IQCM: variants seen among roughly 807,000 people sequenced by gnomAD.
The protein encoded by IQCM is IQ domain-containing protein M.
IQCM carries 45 observed loss-of-function variants against 57.6 expected under a neutral mutation model. The ratio of observed to expected loss-of-function variants is 0.78; its 90% CI spans 0.62 to 1.00. The LOEUF (loss-of-function observed/expected upper bound fraction) is 1.00. Ranked by LOEUF, IQCM falls within the 50% of genes least tolerant of loss-of-function variation. The pLI is 0.00. For missense variants in IQCM, 468 were observed against 511.6 expected, an observed-to-expected ratio of 0.91 and a Z score of 0.82; for synonymous variants, 148 against 158.9, an observed-to-expected ratio of 0.93 and a Z score of 0.51.
chr4:149,621,856 C>T (rs1164127811), intron 7 of IQCM, among the ~76,000 whole-genome samples: 1 of 151,792 alleles, frequency 6.6e-6, no homozygotes, highest in Admixed American at 6.6e-5. Context: ...CCATTTTTTT[C>T]CTCAGAGATA....
chr4:149,738,862 A>G (rs1257280413), intron 3 of IQCM, among the ~76,000 whole-genome samples: 1 of 152,222 alleles, frequency 6.6e-6, no homozygotes, highest in Non-Finnish European at 1.5e-5. Context: ...ATAGCACAAG[A>G]TAACTCATAC....
chr4:149,513,472 A>C (rs1490580606), intron 12 of IQCM, among the ~76,000 whole-genome samples: 2 of 152,210 alleles, frequency 1.3e-5, no homozygotes, highest in Non-Finnish European at 2.9e-5. Flanking sequence ...GTAATAAATA[A>C]TGCAAGCTTT....
intron 7 of IQCM, among the ~76,000 whole-genome samples, chr4:149,626,351 C>T (rs1178723784): frequency 7.2e-6 from 1 of 138,558 alleles, no homozygotes; most frequent in Non-Finnish European, 1.6e-5. Flanking sequence ...ATTGTGGGAC[C>T]TTTGTGGGAT....
chr4:149,474,107 T>A (rs11729341), intron 12 of IQCM, among the ~76,000 whole-genome samples: 1 of 151,168 alleles, frequency 6.6e-6, no homozygotes, highest in Admixed American at 6.6e-5. Context: ...ACATGTACCC[T>A]AGAACTTAAA....
In IQCM at chr4:149,765,529, T is replaced by C. The variant is rs145715409; in HGVS notation, c.-48-22790A>G. On this transcript the variant is annotated intron_variant, in intron 2 of 13. Transcript: ENST00000636793. ...TTATAGTTTCACTTTAAAGCAAGGA[T>C]GATAATAGTCCCTTCCCAAAACTAA... Among the ~76,000 whole-genome samples the C allele has an allele frequency of 3.0e-3, 462 of 152,136 alleles. 6 individuals carry two copies. The highest frequency in any genetic ancestry group is 0.011 in the African/African-American group (443 of 41,516).
At chr4:149,533,452 A>T (rs979429383) in intron 12 of IQCM, among the ~76,000 whole-genome samples, 1 of 152,136 alleles carries the variant, frequency 6.6e-6, no homozygotes, top group Non-Finnish European at 1.5e-5. Flanking sequence ...AAAGGCCTTT[A>T]AAAAATACAA....
intron 7 of IQCM, among the ~76,000 whole-genome samples, chr4:149,622,593 G>A (rs1319093634): frequency 6.6e-6 from 1 of 152,020 alleles, no homozygotes; most frequent in Admixed American, 6.6e-5. Flanking sequence ...CGGAAGCAAA[G>A]GCCAATAACG....
chr4:149,766,503 T>TC (rs1490819616), intron 2 of IQCM, among the ~76,000 whole-genome samples: 1 of 152,042 alleles, frequency 6.6e-6, no homozygotes, highest in Non-Finnish European at 1.5e-5. Flanking sequence ...CAGATACCCC[T>TC]CCCTTGCATT....
At chr4:149,745,891 G>A (rs1767879823) in intron 2 of IQCM, among the ~76,000 whole-genome samples, 1 of 152,096 alleles carries the variant, frequency 6.6e-6, no homozygotes, top group South Asian at 2.1e-4. Context: ...AGGATCAGTT[G>A]AGCCTGGGAG....
chr4:149,677,266 C>A (rs1277347132), intron 7 of IQCM, among the ~76,000 whole-genome samples: 2 of 152,094 alleles, frequency 1.3e-5, no homozygotes, highest in Admixed American at 1.3e-4. Flanking sequence ...ACTACTATCT[C>A]CAGCTCTGGA....
intron 7 of IQCM, among the ~76,000 whole-genome samples, chr4:149,664,136 C>A (rs1760477514): frequency 6.6e-6 from 1 of 152,058 alleles, no homozygotes; most frequent in African/African-American, 2.4e-5. Flanking sequence ...TCTAAGATTT[C>A]TGTGTGGTTC....
chr4:149,587,387 G>A (rs888771854), intron 9 of IQCM, among the ~76,000 whole-genome samples: 10 of 151,538 alleles, frequency 6.6e-5, no homozygotes, highest in Non-Finnish European at 1.0e-4. Context: ...TGCCCTTTTC[G>A]AAACTTCATT....
chr4:149,517,004 G>A (rs992065129), intron 12 of IQCM, among the ~76,000 whole-genome samples: 1 of 148,860 alleles, frequency 6.7e-6, no homozygotes, highest in Admixed American at 6.9e-5. Context: ...GCACCTCTTA[G>A]TATTACCATG....
chr4:149,757,661 C>A (rs1207110260), intron 2 of IQCM, among the ~76,000 whole-genome samples: 1 of 151,836 alleles, frequency 6.6e-6, no homozygotes, highest in African/African-American at 2.4e-5. Flanking sequence ...ACGTACCTAA[C>A]AAAATAGTTC....
chr4:149,416,115 C>T (rs529333325), intron 13 of IQCM, among the ~76,000 whole-genome samples: 1 of 151,420 alleles, frequency 6.6e-6, no homozygotes, highest in Admixed American at 6.6e-5. Context: ...TGCTTATGAC[C>T]CATAAAAAAA....
intron 12 of IQCM, among the ~76,000 whole-genome samples, chr4:149,485,920 A>G (rs561619886): frequency 3.7e-4 from 56 of 152,274 alleles, no homozygotes; most frequent in Middle Eastern, 6.8e-3. Context: ...TCATAGAAGT[A>G]TCACCTTGGT....
intron 8 of IQCM, among the ~76,000 whole-genome samples, chr4:149,598,989 C>T (rs1006663214): frequency 2.6e-5 from 4 of 151,918 alleles, no homozygotes; most frequent in African/African-American, 9.7e-5. Flanking sequence ...CCATCTGCCC[C>T]CAAGACTGGA....
chr4:149,729,521 C>T (rs543723042), intron 5 of IQCM, among the ~76,000 whole-genome samples: 2 of 151,844 alleles, frequency 1.3e-5, no homozygotes, highest in East Asian at 3.9e-4. Context: ...TGTTGCCAGG[C>T]TGGAGTGCAG....
At chr4:149,589,893 A>C (rs1752970909) in intron 8 of IQCM, among the ~76,000 whole-genome samples, 2 of 152,050 alleles carry the variant, frequency 1.3e-5, no homozygotes, top group African/African-American at 4.8e-5. Flanking sequence ...AAAAATACTA[A>C]TGGCCAGAAA....
Sources: gnomAD v4.1 joint callset for allele counts (sites outside exome capture counted in the v4.1 genomes callset) on GRCh38, gnomAD v4.1.1 for gene constraint, MANE v1.5 for transcripts, NCBI Gene and HGNC (gene_info 2026-07-23, HGNC 2026-07-21) for gene names.